The following TBPL1 variants were observed in gnomAD, a reference collection of about 807,000 sequenced individuals.
TBPL1 encodes TATA box-binding protein-like 1.
Under a neutral mutation model 22.1 loss-of-function variants are expected in TBPL1, and 4 were observed. The ratio of observed to expected loss-of-function variants is 0.18; its 90% CI spans 0.09 to 0.41. The LOEUF (loss-of-function observed/expected upper bound fraction) is 0.41, where lower values mean the gene tolerates loss of function less well. Among genes scored for constraint, TBPL1 ranks in the 10% least tolerant of loss-of-function variants. The probability of loss-of-function intolerance (pLI) is 1.00; values close to 1 mark genes in which losing one functional copy is unlikely to be tolerated. For synonymous variants in TBPL1, 64 were observed against 71.0 expected (o/e 0.90, Z 0.50); for missense variants, 115 against 222.3 (o/e 0.52, Z 3.07).
In TBPL1 at chr6:133,987,648, G is replaced by GTGTGTGTGTATATATA. The variant is rs200249148; in HGVS notation, c.*609_*610insGTGTGTGTATATATAT. On this transcript the variant is annotated 3_prime_UTR_variant, in exon 7 of 7. Coordinates refer to ENST00000237264, the MANE Select transcript of TBPL1 (RefSeq NM_004865.4). ...TTTGTGTGTGTGTGTGTGTGTGTGT[G>GTGTGTGTGTATATATA]TATATATATATATATATATGCACCA... 2 of 88,316 alleles carry GTGTGTGTGTATATATA rather than the reference G, an allele frequency of 2.3e-5. No individual in the cohort carries two copies. The highest frequency in any genetic ancestry group is 5.7e-5 in the Non-Finnish European group (2 of 35,238). The allele number at this position is 88,316 out of a possible 1,614,324, so 5.5% of individuals were successfully genotyped here.
chr6:133,953,608 G>A (rs1775876354), intron 1 of TBPL1, among the ~76,000 whole-genome samples, 183 bp downstream of exon 1: 1 of 152,122 alleles, frequency 6.6e-6, no homozygotes, highest in African/African-American at 2.4e-5. Context: ...TCCGGTGGCC[G>A]AGGGAGGGCT....
At chr6:133,984,886 C>T (rs1002043294) in intron 6 of TBPL1, among the ~76,000 whole-genome samples, 3 of 152,028 alleles carry the variant, frequency 2.0e-5, no homozygotes, top group African/African-American at 7.2e-5. Context: ...TTTCACTCAG[C>T]ATTATCTTAG....
chr6:133,957,514 A>G (rs1395632282), intron 1 of TBPL1, among the ~76,000 whole-genome samples: 1 of 152,250 alleles, frequency 6.6e-6, no homozygotes, highest in African/African-American at 2.4e-5. Flanking sequence ...CATTAATAAA[A>G]TGGTTCCAAA....
upstream of TBPL1, chr6:133,953,140 T>G (rs117815993): frequency 2.0e-5 from 3 of 152,470 alleles, no homozygotes; most frequent in African/African-American, 7.2e-5. Context: ...GAGCGCCCTG[T>G]CCGGCGGCGC....
At chr6:133,952,891 T>C (rs2114306262), upstream of TBPL1, among the ~76,000 whole-genome samples, 1 of 152,186 alleles carries the variant, frequency 6.6e-6, no homozygotes, top group Admixed American at 6.5e-5. The surrounding 1 kb of genome is among the most constrained non-coding windows in gnomAD (Gnocchi z 4.5). Context: ...CAACTAAAAA[T>C]ATACAAAGGA....
At chr6:133,970,973 A>G (rs1391290164) in intron 1 of TBPL1, among the ~76,000 whole-genome samples, 1 of 152,096 alleles carries the variant, frequency 6.6e-6, no homozygotes, top group Non-Finnish European at 1.5e-5. Flanking sequence ...TCTTCTAGCT[A>G]TTTTATGATA....
intron 1 of TBPL1, among the ~76,000 whole-genome samples, chr6:133,963,118 G>T (rs1429383766): frequency 1.3e-5 from 2 of 152,174 alleles, no homozygotes; most frequent in African/African-American, 4.8e-5. Context: ...GATTATGCTG[G>T]TTTAAAAGCA....
intron 1 of TBPL1, among the ~76,000 whole-genome samples, chr6:133,969,706 T>C (rs1408384690): frequency 6.6e-6 from 1 of 152,186 alleles, no homozygotes; most frequent in African/African-American, 2.4e-5. Flanking sequence ...GTCCTCATGA[T>C]AGAATGTCAC....
chr6:133,966,291 G>A (rs956193677), intron 1 of TBPL1, among the ~76,000 whole-genome samples: 2 of 152,108 alleles, frequency 1.3e-5, no homozygotes, highest in African/African-American at 4.8e-5. Context: ...CTACCAAGGA[G>A]ACTATAAATA....
At chr6:133,957,265 C>T (rs1775943568) in intron 1 of TBPL1, among the ~76,000 whole-genome samples, 2 of 152,162 alleles carry the variant, frequency 1.3e-5, no homozygotes, top group South Asian at 4.1e-4. Context: ...CCAAAAAGTA[C>T]AGCACAGAAG....
At chr6:133,971,481 A>T (rs1052259747) in intron 1 of TBPL1, among the ~76,000 whole-genome samples, 2 of 152,088 alleles carry the variant, frequency 1.3e-5, no homozygotes, top group Non-Finnish European at 2.9e-5. Flanking sequence ...TTTTTTGAGG[A>T]ACTTCTATAC....
chr6:133,966,601 T>C (rs189357866), intron 1 of TBPL1, among the ~76,000 whole-genome samples: 135 of 152,334 alleles, frequency 8.9e-4, no homozygotes, highest in African/African-American at 3.0e-3. Flanking sequence ...CAGTTCAAAA[T>C]GTCCAAAACC....
chr6:133,966,060 T>TC, intron 1 of TBPL1, among the ~76,000 whole-genome samples: 1 of 152,290 alleles, frequency 6.6e-6, no homozygotes, highest in East Asian at 1.9e-4. Flanking sequence ...GCTCTTCAAC[T>TC]TCAGAGACAG....
Position 133,987,850 on chromosome 6 carries a change from G to A in TBPL1, c.*810G>A, listed in dbSNP as rs544713083. On this transcript the variant is annotated 3_prime_UTR_variant, in exon 7 of 7. Coordinates refer to ENST00000237264, the MANE Select transcript of TBPL1 (RefSeq NM_004865.4). ...TATGATAGAAAATGTTAAATAACTTGTAAAGGTTAAGAAATTGTAGTTTTA... is the reference window on the plus strand; with the variant it reads ...TATGATAGAAAATGTTAAATAACTTATAAAGGTTAAGAAATTGTAGTTTTA... 4 of 152,394 alleles carry A rather than the reference G, an allele frequency of 2.6e-5. No homozygotes were observed. The highest frequency in any genetic ancestry group is 1.3e-4 in the Admixed American group (2 of 15,232). 9.4% of individuals were successfully genotyped at this position (152,394 alleles called of 1,614,324 possible). A position where few individuals can be genotyped will look rare whatever the true frequency, so the allele number is the denominator to read the frequency against.
In TBPL1 at chr6:133,953,396, C is replaced by G. The variant is rs893350679; in HGVS notation, c.-74C>G. The G allele has an allele frequency of 3.9e-5, 6 of 152,994 alleles. No individual in the cohort carries two copies. Among genetic ancestry groups the G allele is most frequent in the Admixed American group, 3.3e-4 (5 of 15,280 alleles). The allele number at this position is 152,994 out of a possible 1,614,324, so 9.5% of individuals were successfully genotyped here. A position where few individuals can be genotyped will look rare whatever the true frequency, so the allele number is the denominator to read the frequency against. On this transcript the variant is annotated 5_prime_UTR_variant, in exon 1 of 7. Coordinates refer to ENST00000237264, the MANE Select transcript of TBPL1 (RefSeq NM_004865.4). ...GCAACCGGCAGCAGCGCTGCCGCCG[C>G]GTCCTCAGCCACCGCTCCCTCTTCC...
At chr6:133,979,534 T>A (rs1776372003) in intron 1 of TBPL1, among the ~76,000 whole-genome samples, 1 of 152,130 alleles carries the variant, frequency 6.6e-6, no homozygotes, top group African/African-American at 2.4e-5. Flanking sequence ...TCCTGTCAAG[T>A]AAAAGTTACT....
intron 1 of TBPL1, among the ~76,000 whole-genome samples, chr6:133,973,615 C>T (rs1776261909): frequency 1.3e-5 from 2 of 152,148 alleles, no homozygotes; most frequent in Non-Finnish European, 1.5e-5. Context: ...ATTGTAGTTG[C>T]TGGAGTAATG....
At position 133,980,231 on chromosome 6, in the gene TBPL1, G is replaced by A; in HGVS notation, c.106G>A (p.Ala36Thr). 1 of 1,608,288 alleles carries A rather than the reference G, an allele frequency of 6.2e-7. No individual in the cohort carries two copies. The highest frequency in any genetic ancestry group is 8.5e-7 in the Non-Finnish European group (1 of 1,177,814). The change falls in exon 2 of 7, where the codon GCA becomes ACA. Residue 36 changes from alanine to threonine, a missense_variant. Coordinates refer to ENST00000237264, the MANE Select transcript of TBPL1 (RefSeq NM_004865.4). ...LNLRKIALEG[A>T]NVIYKRDVGK... ...CTTAAGGAAGATTGCTTTGGAAGGA[G>A]CAAATGTAATTTATAAACGTGATGT...
At chr6:133,956,322 T>A (rs1172170427) in intron 1 of TBPL1, among the ~76,000 whole-genome samples, 3 of 152,230 alleles carry the variant, frequency 2.0e-5, no homozygotes, top group Non-Finnish European at 2.9e-5. Context: ...TTGTTGTGCC[T>A]TCTGTATGTC....
Sources: gnomAD v4.1 joint callset for allele counts (sites outside exome capture counted in the v4.1 genomes callset) on GRCh38, gnomAD v4.1.1 for gene constraint, Gnocchi (gnomAD v3.1) non-coding constraint, MANE v1.5 for transcripts, NCBI Gene and HGNC (gene_info 2026-07-23, HGNC 2026-07-21) for gene names.